RBL2: variants seen among roughly 807,000 people sequenced by gnomAD.
RBL2 encodes the protein retinoblastoma-like protein 2.
RBL2 carries 56 observed loss-of-function variants against 126.0 expected under a neutral mutation model. The ratio of observed to expected loss-of-function variants is 0.44; its 90% CI spans 0.36 to 0.56. The LOEUF (loss-of-function observed/expected upper bound fraction) is 0.56. Ranked by LOEUF, RBL2 falls within the 20% of genes least tolerant of loss-of-function variation. The pLI is 0.00. For missense variants in RBL2, 1,229 were observed against 1,398.2 expected, an observed-to-expected ratio of 0.88 and a Z score of 1.93; for synonymous variants, 454 against 478.5, an observed-to-expected ratio of 0.95 and a Z score of 0.67.
intron 17 of RBL2, among the ~76,000 whole-genome samples, chr16:53,478,769 G>A (rs1960829047): frequency 2.0e-5 from 3 of 152,110 alleles, no homozygotes; most frequent in African/African-American, 4.8e-5. Context: ...TTACAGGCAT[G>A]TGCCACCATG....
intron 21 of RBL2, among the ~76,000 whole-genome samples, chr16:53,487,233 A>G (rs1567750332): frequency 6.6e-6 from 1 of 152,390 alleles, no homozygotes; most frequent in East Asian, 1.9e-4. Context: ...AAAGAACTCG[A>G]ATAGCTAAAA....
Position 53,453,786 on chromosome 16 carries a change from A to G in RBL2, c.992+17A>G. 6.4e-7 allele frequency: 1 copy of G among 1,554,484 alleles called. No homozygotes were observed. The highest frequency in any genetic ancestry group is 8.8e-7 in the Non-Finnish European group (1 of 1,142,150). ...AGAGAGTTTGTGAGTACTTCTGTAT[A>G]AAATGTTTTAATATTTTAAATTGTA... On this transcript the variant is annotated intron_variant, in intron 7 of 21. Transcript: ENST00000262133.
intron 14 of RBL2, among the ~76,000 whole-genome samples, chr16:53,467,436 G>A (rs1229842625): frequency 6.6e-6 from 1 of 152,144 alleles, no homozygotes; most frequent in Admixed American, 6.5e-5. Context: ...CACTCAAGCT[G>A]GAGTGCAGTG....
intron 3 of RBL2, among the ~76,000 whole-genome samples, chr16:53,445,213 G>A (rs994641576): frequency 1.3e-5 from 2 of 151,854 alleles, no homozygotes; most frequent in Non-Finnish European, 2.9e-5. Context: ...TGTGGTCCCA[G>A]CTACTGGGGA....
At chr16:53,451,589 G>T (rs747087936) in intron 4 of RBL2, 114 bp from the exon 5 acceptor site, 5 of 1,150,354 alleles carry the variant, frequency 4.3e-6, no homozygotes, top group Non-Finnish European at 6.2e-6. Context: ...TTATTGTAAT[G>T]AGTCAATTTT....
At chr16:53,454,553 C>CA (rs2058148242) in intron 7 of RBL2, 103 bp from the exon 8 acceptor site, 1 of 1,150,044 alleles carries the variant, frequency 8.7e-7, no homozygotes, top group Non-Finnish European at 1.2e-6. Context: ...GTTTAACTTT[C>CA]AAAAAACTAT....
At chr16:53,457,258 C>CTTTTTTTTTTTTTTTTTTTTTTTTTT (rs756763534) in intron 8 of RBL2, among the ~76,000 whole-genome samples, 28 of 89,932 alleles carry the variant, frequency 3.1e-4, no homozygotes, top group South Asian at 8.1e-4. Context: ...GTACAGATAG[C>CTTTTTTTTTTTTTTTTTTTTTTTTTT]TTTTTTTTTT....
At position 53,439,005 on chromosome 16, in the gene RBL2, T is replaced by C. The variant is rs369415842; in HGVS notation, c.241-11T>C. 41 of 1,538,560 alleles carry C rather than the reference T, an allele frequency of 2.7e-5. No individual in the cohort carries two copies. The African/African-American group carries it at 5.6e-4, about 21-fold the overall frequency. ...TTTTTAACTAAAAATCAATTTTCTT[T>C]TCTTTTACAGGGAAATGATCTTCAT... is the stretch of plus-strand genomic sequence containing the variant. On this transcript the variant is annotated splice_polypyrimidine_tract_variant and intron_variant, in intron 1 of 21. Transcript: ENST00000262133.
chr16:53,454,422 C>G (rs1256300582), intron 7 of RBL2: 2 of 446,938 alleles, frequency 4.5e-6, no homozygotes, highest in Non-Finnish European at 8.2e-6. Context: ...CCAGGCTGGT[C>G]TCAAACTCCT....
At chr16:53,453,837 GTTTTTA>G in intron 7 of RBL2, 68 bp downstream of exon 7, 1 of 1,334,872 alleles carries the variant, frequency 7.5e-7, no homozygotes, top group Non-Finnish European at 1.0e-6. Context: ...AGAAGTTAGT[GTTTTTA>G]TTGTTTGTAC....
chr16:53,475,726 A>G (rs1960701433), intron 17 of RBL2, among the ~76,000 whole-genome samples: 1 of 149,324 alleles, frequency 6.7e-6, no homozygotes, highest in South Asian at 2.2e-4. Flanking sequence ...ATGGTTTAAG[A>G]TGGATGTTTA....
chr16:53,452,031 C>A (rs777484546), intron 5 of RBL2, among the ~76,000 whole-genome samples, 200 bp downstream of exon 5: 1 of 152,104 alleles, frequency 6.6e-6, no homozygotes, highest in Non-Finnish European at 1.5e-5. Flanking sequence ...AGTTTAAAGT[C>A]TTAAATGACA....
At chr16:53,439,840 G>A (rs1402702059) in intron 2 of RBL2, among the ~76,000 whole-genome samples, 1 of 151,372 alleles carries the variant, frequency 6.6e-6, no homozygotes, top group Non-Finnish European at 1.5e-5. Flanking sequence ...GGGTGTGGTT[G>A]TGCATACCTG....
rs755985698 is a variant in RBL2 at position 53,454,840 on chromosome 16, AAGGTG to A, written c.1179+1_1179+5del. 44 of 1,605,926 alleles carry A rather than the reference AAGGTG, an allele frequency of 2.7e-5. No individual in the cohort carries two copies. The highest frequency in any genetic ancestry group is 3.7e-5 in the Non-Finnish European group (43 of 1,175,092). On this transcript the variant is annotated splice_donor_variant and splice_donor_region_variant and coding_sequence_variant and intron_variant, in exon 8 of 22. Coordinates refer to ENST00000262133, the MANE Select transcript of RBL2 (RefSeq NM_005611.4). LOFTEE classifies it high-confidence loss of function. ...AAACATCTTACAGCAGCATTTTGAC[AAGGTG>A]AGTTTAGCCATGCCAGAAGAGTAGA... is the stretch of plus-strand genomic sequence containing the variant.
At chr16:53,464,576 T>C in intron 12 of RBL2, 1 of 399,262 alleles carries the variant, frequency 2.5e-6, no homozygotes, top group Non-Finnish European at 4.3e-6. Flanking sequence ...GTAAAAGCTT[T>C]GATTCCTCTC....
At chr16:53,475,912 C>T (rs918050151) in intron 17 of RBL2, among the ~76,000 whole-genome samples, 1 of 138,128 alleles carries the variant, frequency 7.2e-6, no homozygotes, top group Non-Finnish European at 1.5e-5. Context: ...GTGCTCACGG[C>T]AGCCTTCCTC....
chr16:53,447,143 T>C, intron 4 of RBL2, 37 bp downstream of exon 4: 1 of 1,108,122 alleles, frequency 9.0e-7, no homozygotes, highest in Non-Finnish European at 1.3e-6. Context: ...ATTTAATATG[T>C]CTATTTACAT....
intron 1 of RBL2, among the ~76,000 whole-genome samples, chr16:53,438,401 C>G (rs1280467118): frequency 6.6e-6 from 1 of 152,136 alleles, no homozygotes; most frequent in Non-Finnish European, 1.5e-5. Context: ...CTTGTATAAT[C>G]TTTTAGAATT....
intron 21 of RBL2, among the ~76,000 whole-genome samples, chr16:53,485,562 G>T (rs1446688615): frequency 6.6e-6 from 1 of 152,026 alleles, no homozygotes; most frequent in Non-Finnish European, 1.5e-5. Context: ...CAAAAGCTCG[G>T]TTTTTTTGGA....
Sources: gnomAD v4.1 joint callset for allele counts (sites outside exome capture counted in the v4.1 genomes callset) on GRCh38, gnomAD v4.1.1 for gene constraint, MANE v1.5 for transcripts, NCBI Gene and HGNC (gene_info 2026-07-23, HGNC 2026-07-21) for gene names.